DOT1L: variants seen among roughly 807,000 people sequenced by gnomAD.
The protein encoded by DOT1L is DOT1 like histone lysine methyltransferase.
A neutral mutation model predicts 153.3 loss-of-function variants in DOT1L; 33 were observed. That is an observed-to-expected ratio of 0.22 (90% CI 0.16 to 0.29). The LOEUF (loss-of-function observed/expected upper bound fraction) is 0.29. Ranked by LOEUF, DOT1L falls within the 10% of genes least tolerant of loss-of-function variation. DOT1L has a pLI of 1.00. For synonymous variants in DOT1L, 1,135 were observed against 965.1 expected (o/e 1.18, Z -3.26); for missense variants, 1,847 against 2,119.9 (o/e 0.87, Z 2.53).
intron 5 of DOT1L, among the ~76,000 whole-genome samples, chr19:2,192,261 G>A (rs1029293965): frequency 1.3e-5 from 2 of 152,244 alleles, no homozygotes; most frequent in African/African-American, 4.8e-5. Context: ...GGAAGGCTGA[G>A]ATGGGAGGGT....
intron 7 of DOT1L, among the ~76,000 whole-genome samples, 161 bp downstream of exon 7, chr19:2,194,738 C>T (rs1004338950): frequency 3.9e-5 from 6 of 152,138 alleles, no homozygotes; most frequent in East Asian, 1.9e-4. Context: ...CTGGGCGTGG[C>T]GTCTGAGCCG....
intron 27 of DOT1L, chr19:2,228,180 G>C: frequency 1.5e-6 from 2 of 1,362,964 alleles, no homozygotes; most frequent in Non-Finnish European, 9.8e-7. Flanking sequence ...GCACAAGGGC[G>C]CCCGCCCCTC....
chr19:2,222,522 C>G lies in DOT1L; in HGVS notation c.3353C>G (p.Thr1118Arg). 6.4e-7 allele frequency: 1 copy of G among 1,568,640 alleles called. No individual in the cohort carries two copies. Among genetic ancestry groups the G allele is most frequent in the Non-Finnish European group, 8.6e-7 (1 of 1,161,204 alleles). ...RALPSVAGLF[T>R]QPSGSPLNLN... is the part of the protein sequence containing the mutation. ...CTGCCGTCCGTCGCTGGCCTTTTCA[C>G]ACAGCCTTCGGGGTCTCCCCTCAAC... Residue 1118 changes from threonine to arginine, a missense_variant, in exon 24 of 28, where the codon ACA becomes AGA. By Grantham distance (71) the Thr-to-Arg change is moderately conservative (BLOSUM62 -1). Coordinates refer to ENST00000398665, the MANE Select transcript of DOT1L (RefSeq NM_032482.3). This position sits in a 1 kb window ranked among gnomAD's most constrained non-coding sequence, Gnocchi z 6.5.
rs954850357 is a variant in DOT1L, at chr19:2,164,198, T to C, written c.14T>C (p.Leu5Pro). The change falls in exon 1 of 28, where the codon CTG (leucine) becomes CCG (proline). Residue 5 changes from leucine (L) to proline (P), a missense_variant. By Grantham distance (98) the Leu-to-Pro change is moderately conservative. Transcript: ENST00000398665. ...GCGCGCGCGGACATGGGGGAGAAGC[T>C]GGAGCTGAGACTGAAGTCGCCCGTG... Reference protein sequence around the residue: MGEKLELRLKSPVGA... With the variant: MGEKPELRLKSPVGA... The C allele has an allele frequency of 8.8e-6, 11 of 1,248,092 alleles. No homozygotes were observed. The African/African-American group carries it at 1.7e-4, about 20-fold the overall frequency. 77.3% of individuals were successfully genotyped at this position (1,248,092 alleles called of 1,614,324 possible). A position where few individuals can be genotyped will look rare whatever the true frequency, so the allele number is the denominator to read the frequency against.
chr19:2,202,104 C>T (rs1192207844), intron 8 of DOT1L, among the ~76,000 whole-genome samples: 1 of 152,224 alleles, frequency 6.6e-6, no homozygotes, highest in Non-Finnish European at 1.5e-5. Flanking sequence ...TCTAGCCTCC[C>T]TAAGTGCGGT....
intron 20 of DOT1L, 56 bp downstream of exon 20, chr19:2,216,821 G>T (rs2023922337): frequency 1.3e-6 from 2 of 1,557,740 alleles, no homozygotes; most frequent in South Asian, 1.2e-5. Flanking sequence ...ACTCTGCCTG[G>T]TGTGCTCAGG....
chr19:2,229,662 G>C, intron 27 of DOT1L, 123 bp from the exon 28 acceptor site: 1 of 1,597,576 alleles, frequency 6.3e-7, no homozygotes, highest in Non-Finnish European at 8.5e-7. Context: ...TGCCTGTCAT[G>C]GTGCTGGCCC....
chr19:2,225,747 T>C (rs2024302676), intron 26 of DOT1L, among the ~76,000 whole-genome samples: 1 of 152,174 alleles, frequency 6.6e-6, no homozygotes, highest in Non-Finnish European at 1.5e-5. Context: ...TCACCTTGGG[T>C]CCCCTGTTTG....
At chr19:2,224,087 G>T (rs1950098654) in intron 25 of DOT1L, among the ~76,000 whole-genome samples, 1 of 152,172 alleles carries the variant, frequency 6.6e-6, no homozygotes, top group Non-Finnish European at 1.5e-5. Context: ...GGCCTTTTGT[G>T]TCTGGCATCT....
At chr19:2,209,261 G>A (rs542497592) in intron 12 of DOT1L, among the ~76,000 whole-genome samples, 4 of 150,596 alleles carry the variant, frequency 2.7e-5, no homozygotes, top group South Asian at 2.1e-4. Context: ...CTCCCTCTCC[G>A]TTTCTCTCTC....
intron 3 of DOT1L, chr19:2,188,188 C>T (rs969717829): frequency 3.3e-5 from 5 of 152,228 alleles, no homozygotes; most frequent in Non-Finnish European, 7.3e-5. Flanking sequence ...CTTGCTTTAT[C>T]CTATGCAGCT....
At chr19:2,224,677 A>G (rs1019434791) in intron 25 of DOT1L, among the ~76,000 whole-genome samples, 2 of 152,016 alleles carry the variant, frequency 1.3e-5, no homozygotes, top group African/African-American at 4.8e-5. Flanking sequence ...CATGTTGCCC[A>G]GGCTGGTCTC....
chr19:2,229,639 G>A lies in DOT1L; in HGVS notation c.4607-146G>A, dbSNP rs572494461. Reference sequence around the variant, plus strand: ...ACGCCCGTCGTCTGTTGTGGTTAGAGGAGCTGGCACTATGCCTGTCATGGT... The same window carrying A: ...ACGCCCGTCGTCTGTTGTGGTTAGAAGAGCTGGCACTATGCCTGTCATGGT... On this transcript the variant is annotated intron_variant, in intron 27 of 27. Transcript: ENST00000398665. The A allele has an allele frequency of 1.5e-5, 23 of 1,583,346 alleles. No homozygotes were observed. In the South Asian group the frequency reaches 1.8e-4, roughly 12 times the overall value.
Position 2,226,623 on chromosome 19 carries a change from C to T in DOT1L, c.4102C>T (p.Leu1368=). 1.3e-6 allele frequency: 2 copies of T among 1,595,322 alleles called. No individual in the cohort carries two copies. Among genetic ancestry groups the T allele is most frequent in the Non-Finnish European group, 1.7e-6 (2 of 1,175,012 alleles). The change falls in exon 27 of 28, where the codon CTG becomes TTG. Residue 1368 remains leucine, a synonymous_variant. Transcript: ENST00000398665. ...GGAGGGCTCGGACGCCAACCCTTTC[C>T]TGAGCAAGAGGCAGCTGGACGGCCT... The part of the protein sequence containing the change: ...GKEGSDANPF[L]SKRQLDGLAG...
intron 25 of DOT1L, among the ~76,000 whole-genome samples, chr19:2,224,693 C>T (rs778942996): frequency 2.0e-5 from 3 of 152,166 alleles, no homozygotes; most frequent in East Asian, 1.9e-4. Context: ...GTCTCAAACT[C>T]CTGGCCTCAA....
At chr19:2,200,538 CA>C (rs2023211555) in intron 8 of DOT1L, among the ~76,000 whole-genome samples, 1 of 152,196 alleles carries the variant, frequency 6.6e-6, no homozygotes, top group South Asian at 2.1e-4. Flanking sequence ...GGTGTGGCCA[CA>C]GCACTCCAGC....
rs1431784877 is a variant in DOT1L, at chr19:2,222,817, G to A, written c.3390+258G>A. ...GAGAATGATGTGAACCCGGGAGGCG[G>A]GGCTTGCAGTGAACTGAGATCGGCC... On this transcript the variant is annotated intron_variant, in intron 24 of 27. Transcript: ENST00000398665. This position sits in a 1 kb window ranked among gnomAD's most constrained non-coding sequence, Gnocchi z 6.5. The A allele has an allele frequency of 2.1e-6, 1 of 485,022 alleles. No individual in the cohort carries two copies. The highest frequency in any genetic ancestry group is 3.6e-6 in the Non-Finnish European group (1 of 275,870). 30.0% of individuals were successfully genotyped at this position (485,022 alleles called of 1,614,324 possible). A position where few individuals can be genotyped will look rare whatever the true frequency, so the allele number is the denominator to read the frequency against.
At position 2,217,907 on chromosome 19, in the gene DOT1L, G is replaced by A. The variant is rs769883924; in HGVS notation, c.2680G>A (p.Ala894Thr). The change falls in exon 22 of 28, where the codon GCC becomes ACC. Residue 894 changes from alanine to threonine, a missense_variant. Around this residue, in one of 8 missense-constraint regions of DOT1L, gnomAD observed 18 missense variants for 58.1 expected, o/e 0.31. Transcript: ENST00000398665. This position sits in a 1 kb window ranked among gnomAD's most constrained non-coding sequence, Gnocchi z 7.3. ...PLASVVLPSRAERARSTPSPV... is the reference protein window; with the variant it reads ...PLASVVLPSRTERARSTPSPV... ...GGCCAGCGTGGTGCTGCCCAGCCGC[G>A]CCGAGAGGGCGGTGAGTGGCTCCCA... 8 of 1,611,690 alleles carry A rather than the reference G, an allele frequency of 5.0e-6. No individual in the cohort carries two copies. The highest frequency in any genetic ancestry group is 1.1e-5 in the South Asian group (1 of 90,924).
At chr19:2,210,379 C>A in intron 12 of DOT1L, 21 bp from the exon 13 acceptor site, 1 of 1,505,036 alleles carries the variant, frequency 6.6e-7, no homozygotes, top group Non-Finnish European at 8.9e-7. Flanking sequence ...CTTCCTGTGG[C>A]TCAACCTGCT....
Sources: gnomAD v4.1 joint callset for allele counts (sites outside exome capture counted in the v4.1 genomes callset) on GRCh38, gnomAD v4.1.1 for gene constraint, gnomAD v4.1.1 regional missense constraint, Gnocchi (gnomAD v3.1) non-coding constraint, MANE v1.5 for transcripts, NCBI Gene and HGNC (gene_info 2026-07-23, HGNC 2026-07-21) for gene names.